Variants in KICS2 observed in about 807,000 individuals in gnomAD.
The protein encoded by KICS2 is KICSTOR subunit 2, also known as KICSTOR complex protein C12orf66.
KICS2 carries 13 observed loss-of-function variants against 31.4 expected under a neutral mutation model. The observed-to-expected ratio is 0.41, with a 90% CI of 0.27 to 0.66. KICS2 has a LOEUF of 0.66. Ranked by LOEUF, KICS2 falls within the 30% of genes least tolerant of loss-of-function variation. KICS2 has a pLI of 0.28. For synonymous variants in KICS2, 209 were observed against 214.8 expected, an observed-to-expected ratio of 0.97 and a Z score of 0.24; for missense variants, 455 against 545.4, an observed-to-expected ratio of 0.83 and a Z score of 1.65.
intron 2 of KICS2, 103 bp from the exon 3 acceptor site, chr12:64,194,761 T>A (rs1476192471): frequency 1.4e-5 from 20 of 1,412,968 alleles, no homozygotes; most frequent in Non-Finnish European, 1.8e-5. Flanking sequence ...CATAATATTA[T>A]GCTTCAGGAC....
chr12:64,214,581 C>T (rs906053951), intron 2 of KICS2, among the ~76,000 whole-genome samples: 50 of 152,076 alleles, frequency 3.3e-4, no homozygotes, highest in African/African-American at 1.0e-3. Context: ...TCCTACCTGC[C>T]GTTAAAAGCT....
intron 2 of KICS2, among the ~76,000 whole-genome samples, chr12:64,207,034 G>A (rs540889180): frequency 3.7e-4 from 57 of 152,140 alleles, no homozygotes; most frequent in African/African-American, 1.3e-3. Flanking sequence ...TGCTGGGGGC[G>A]GTGGCTATGC....
At position 64,215,947 on chromosome 12, in the gene KICS2, G is replaced by A; in HGVS notation, c.252C>T (p.Phe84=). The change falls in exon 2 of 3, where the codon TTC becomes TTT. Residue 84 remains phenylalanine (F), a synonymous_variant. Coordinates refer to ENST00000398055, the MANE Select transcript of KICS2 (RefSeq NM_152440.5). ...LGQKLGGQSF[F]SRKDSIRTIY... is the part of the protein sequence containing the mutation. ...TGGTGCGGATGGAATCCTTCCTGCT[G>A]AAGAAAGACTGGCCCCCTGGTAGGC... The A allele has an allele frequency of 6.2e-7, 1 of 1,610,072 alleles. No homozygotes were observed. Among genetic ancestry groups the A allele is most frequent in the Admixed American group, 1.7e-5 (1 of 59,872 alleles).
chr12:64,206,566 T>C (rs2037540706), intron 2 of KICS2, among the ~76,000 whole-genome samples: 1 of 152,210 alleles, frequency 6.6e-6, no homozygotes, highest in Admixed American at 6.5e-5. Context: ...CAAAAGATTG[T>C]GGAAGCCATA....
intron 1 of KICS2, chr12:64,221,733 G>T (rs1232964472): frequency 1.8e-6 from 1 of 560,880 alleles, no homozygotes; most frequent in African/African-American, 1.9e-5. Flanking sequence ...ATCAATCCAT[G>T]CACGAGGCAA....
intron 1 of KICS2, among the ~76,000 whole-genome samples, chr12:64,220,780 A>G (rs986668645): frequency 6.6e-6 from 1 of 152,164 alleles, no homozygotes; most frequent in South Asian, 2.1e-4. Context: ...ACAAGGGCAG[A>G]TATTTTGGTT....
downstream of KICS2, chr12:64,187,626 C>T (rs1185364941): frequency 2.4e-5 from 37 of 1,535,292 alleles, no homozygotes; most frequent in African/African-American, 2.7e-5. Flanking sequence ...CAAAAGGCCA[C>T]GAAATAATTG....
intron 2 of KICS2, 95 bp downstream of exon 2, chr12:64,215,583 T>C (rs2037619981): frequency 1.5e-5 from 16 of 1,080,982 alleles, no homozygotes; most frequent in Middle Eastern, 3.1e-4. Flanking sequence ...AGTTATTTCA[T>C]CACAGATTTT....
In KICS2 at chr12:64,193,087, G is replaced by A. The variant is rs2037396593; in HGVS notation, c.*755C>T. 1.0e-6 allele frequency: 1 copy of A among 985,444 alleles called. No individual in the cohort carries two copies. Among genetic ancestry groups the A allele is most frequent in the Non-Finnish European group, 1.2e-6 (1 of 829,928 alleles). 61.0% of individuals were successfully genotyped at this position (985,444 alleles called of 1,614,324 possible). A position where few individuals can be genotyped will look rare whatever the true frequency, so the allele number is the denominator to read the frequency against. On this transcript the variant is annotated 3_prime_UTR_variant, in exon 3 of 3. Transcript: ENST00000398055. ...AAAGCGAAGCGGATAATATGCTGAA[G>A]AATGAAGAAAGCCCACATGATGGCT...
At chr12:64,196,801 A>G (rs1330013688) in intron 2 of KICS2, among the ~76,000 whole-genome samples, 8 of 149,828 alleles carry the variant, frequency 5.3e-5, no homozygotes, top group Non-Finnish European at 1.2e-4. Context: ...TACGTGAAGA[A>G]TGCAGAAGCC....
At position 64,194,764 on chromosome 12, in the gene KICS2, T is replaced by C. The variant is rs115571670; in HGVS notation, c.522-106A>G. On this transcript the variant is annotated intron_variant, in intron 2 of 2. Coordinates refer to ENST00000398055, the MANE Select transcript of KICS2 (RefSeq NM_152440.5). ...AAAATGGCCAAACATAATATTATGCTTCAGGACAGGGGAAGAAAAGATGGA... is the reference window on the plus strand; with the variant it reads ...AAAATGGCCAAACATAATATTATGCCTCAGGACAGGGGAAGAAAAGATGGA... The C allele has an allele frequency of 1.5e-3, 2,119 of 1,391,594 alleles. 32 individuals are homozygous for C. In the African/African-American group the frequency reaches 0.027, roughly 18 times the overall value. The allele number at this position is 1,391,594 out of a possible 1,614,324, so 86.2% of individuals were successfully genotyped here. A position where few individuals can be genotyped will look rare whatever the true frequency, so the allele number is the denominator to read the frequency against.
intron 2 of KICS2, among the ~76,000 whole-genome samples, chr12:64,204,441 A>C (rs1234885634): frequency 6.6e-6 from 1 of 152,228 alleles, no homozygotes; most frequent in African/African-American, 2.4e-5. Flanking sequence ...TCCAGCTTAC[A>C]TGTTTAATTA....
intron 1 of KICS2, among the ~76,000 whole-genome samples, chr12:64,221,127 A>G (rs1354658503): frequency 1.3e-5 from 2 of 151,884 alleles, no homozygotes; most frequent in African/African-American, 2.4e-5. Context: ...GGTGGATCAA[A>G]ATGAAATCTA....
chr12:64,206,314 A>C (rs1423497326), intron 2 of KICS2, among the ~76,000 whole-genome samples: 1 of 152,214 alleles, frequency 6.6e-6, no homozygotes, highest in African/African-American at 2.4e-5. Context: ...CCAAAGTGAT[A>C]AATTTTATGT....
chr12:64,204,610 G>T (rs1055059119), intron 2 of KICS2, among the ~76,000 whole-genome samples: 6 of 152,078 alleles, frequency 3.9e-5, no homozygotes, highest in Non-Finnish European at 7.4e-5. Context: ...AACACAGTGA[G>T]ACCCCTGTCT....
At chr12:64,221,920 C>T in intron 1 of KICS2, 83 bp downstream of exon 1, 1 of 1,411,282 alleles carries the variant, frequency 7.1e-7, no homozygotes, top group Non-Finnish European at 9.6e-7. Context: ...GACACAGAGA[C>T]GGGAAACCCA....
At chr12:64,201,604 A>G (rs1452170455) in intron 2 of KICS2, among the ~76,000 whole-genome samples, 3 of 114,246 alleles carry the variant, frequency 2.6e-5, no homozygotes, top group African/African-American at 1.0e-4. Context: ...TTAAAGTATA[A>G]TAAAAAAAAA....
chr12:64,222,204 G>T lies in KICS2; in HGVS notation c.34C>A (p.Pro12Thr). ...GESIPLAAPV[P>T]VEQAVLETFF... Reference sequence around the variant, plus strand: ...GTCTCCAGCACCGCCTGTTCCACCGGGACCGGGGCGGCCAGCGGGATAGAC... The same window carrying T: ...GTCTCCAGCACCGCCTGTTCCACCGTGACCGGGGCGGCCAGCGGGATAGAC... Residue 12 changes from proline (P) to threonine (T), a missense_variant, in exon 1 of 3, where the codon CCG (proline) becomes ACG (threonine). By Grantham distance (38) the Pro-to-Thr change is conservative. Transcript: ENST00000398055. 1 of 1,614,030 alleles carries T rather than the reference G, an allele frequency of 6.2e-7. No individual in the cohort carries two copies.
chr12:64,205,567 C>T (rs529322013), intron 2 of KICS2, among the ~76,000 whole-genome samples: 2 of 144,630 alleles, frequency 1.4e-5, no homozygotes, highest in African/African-American at 5.1e-5. Context: ...AATAAATTAA[C>T]AACTATTTGC....
Sources: gnomAD v4.1 joint callset for allele counts (sites outside exome capture counted in the v4.1 genomes callset) on GRCh38, gnomAD v4.1.1 for gene constraint, MANE v1.5 for transcripts, NCBI Gene and HGNC (gene_info 2026-07-23, HGNC 2026-07-21) for gene names.